CELF2: variants seen among roughly 807,000 people sequenced by gnomAD.
CELF2 encodes the protein CUG triplet repeat RNA-binding protein 2.
A neutral mutation model predicts 62.6 loss-of-function variants in CELF2; 8 were observed. That is an observed-to-expected ratio of 0.13 (90% CI 0.07 to 0.23). The LOEUF (loss-of-function observed/expected upper bound fraction) is 0.23. CELF2 is among the 10% of genes least tolerant of loss of function. The probability of loss-of-function intolerance (pLI) is 1.00; values close to 1 mark genes in which losing one functional copy is unlikely to be tolerated. For missense variants in CELF2, 333 were observed against 671.0 expected, an observed-to-expected ratio of 0.50 and a Z score of 5.56; for synonymous variants, 258 against 250.0, an observed-to-expected ratio of 1.03 and a Z score of -0.30.
chr10:11,106,064 T>G (rs1488612896), intron 1 of CELF2, among the ~76,000 whole-genome samples: 1 of 152,208 alleles, frequency 6.6e-6, no homozygotes, highest in East Asian at 1.9e-4. Context: ...ATGAAAAGTT[T>G]TTATGATTTT....
the CELF2 span, among the ~76,000 whole-genome samples, chr10:10,608,129 AAAACAAAC>A: frequency 4.7e-3 from 589 of 125,184 alleles, 3 homozygotes; most frequent in African/African-American, 0.013. Context: ...AACTCTGTTA[AAAACAAAC>A]AAACAAACAA....
intron 2 of CELF2, among the ~76,000 whole-genome samples, chr10:10,987,001 A>G (rs942979887): frequency 6.6e-6 from 1 of 152,220 alleles, no homozygotes; most frequent in Non-Finnish European, 1.5e-5. Context: ...TTTTATGGGA[A>G]GAAAAGTCAT....
At position 11,117,815 on chromosome 10, in the gene CELF2, G is replaced by C. The variant is rs796546545; in HGVS notation, c.75-47671G>C. On this transcript the variant is annotated intron_variant, in intron 1 of 12. Coordinates refer to ENST00000633077, the MANE Select transcript of CELF2 (RefSeq NM_001326342.2). This position sits in a 1 kb window ranked among gnomAD's most constrained non-coding sequence, Gnocchi z 4.1. ...CAAATAGGATTCATCTGAGCTTCTG[G>C]TTCTGATCTTGTAAAAGCTAACTCA... 8.5e-5 allele frequency among the ~76,000 whole-genome samples: 13 copies of C among 152,234 alleles called. No individual in the cohort carries two copies. The highest frequency in any genetic ancestry group is 3.1e-4 in the African/African-American group (13 of 41,534).
chr10:11,281,986 C>T (rs926267916), intron 8 of CELF2, among the ~76,000 whole-genome samples: 13 of 152,230 alleles, frequency 8.5e-5, no homozygotes, highest in East Asian at 7.7e-4. Context: ...GACTGGAATC[C>T]GCCCCAGCTC....
the CELF2 span, among the ~76,000 whole-genome samples, chr10:10,659,119 CTTTA>C: frequency 6.6e-6 from 1 of 152,144 alleles, no homozygotes; most frequent in African/African-American, 2.4e-5. Flanking sequence ...GTTCAAATTG[CTTTA>C]TTTAATACTA....
intron 2 of CELF2, among the ~76,000 whole-genome samples, chr10:11,167,187 T>G (rs768114946): frequency 1.3e-5 from 2 of 152,254 alleles, no homozygotes; most frequent in Non-Finnish European, 2.9e-5. Context: ...GTTACCTACA[T>G]GTTTTCCAAA....
chr10:10,976,430 A>G (rs1008837446), intron 2 of CELF2, among the ~76,000 whole-genome samples: 7 of 152,136 alleles, frequency 4.6e-5, no homozygotes, highest in Non-Finnish European at 1.0e-4. Context: ...ATCTGTGTAT[A>G]TCTTCATGAA....
At chr10:10,802,977 ACT>A (rs1235574745) in intron 1 of CELF2, among the ~76,000 whole-genome samples, 1 of 152,086 alleles carries the variant, frequency 6.6e-6, no homozygotes, top group Non-Finnish European at 1.5e-5. Flanking sequence ...CTAGCCAGGT[ACT>A]CAAACTGGAA....
At chr10:10,719,789 A>G in the CELF2 span, among the ~76,000 whole-genome samples, 19 of 152,194 alleles carry the variant, frequency 1.2e-4, no homozygotes, top group African/African-American at 4.3e-4. Flanking sequence ...ATAAGGCTCA[A>G]TAGAGGTAAA....
rs1027509764 is a variant in CELF2, at chr10:10,845,683, C to T, written c.53+46866C>T. On this transcript the variant is annotated intron_variant, in intron 1 of 13. Transcript: ENST00000636488. ...GAATATCACATGTATATATCACATGCATCTACAATTTTTATGTATCAGTTA... is the reference window on the plus strand; with the variant it reads ...GAATATCACATGTATATATCACATGTATCTACAATTTTTATGTATCAGTTA... Among the ~76,000 whole-genome samples the T allele has an allele frequency of 8.7e-4, 132 of 152,226 alleles. 1 individual carries two copies. Among genetic ancestry groups the T allele is most frequent in the African/African-American group, 3.1e-3 (130 of 41,548 alleles).
At position 10,997,399 on chromosome 10, in the gene CELF2, A is replaced by C. The variant is rs914572614; in HGVS notation, c.89+77400A>C. On this transcript the variant is annotated intron_variant, in intron 2 of 13. Coordinates refer to the CELF2 transcript ENST00000636488. The surrounding 1 kb of genome is among the most constrained non-coding windows in gnomAD (Gnocchi z 5.3). The stretch of plus-strand genomic sequence containing the variant: ...TCTGGGCTTCTCTTGCATTTCCATC[A>C]CATGATCATATGAATCACCATATTG... 6.6e-6 allele frequency among the ~76,000 whole-genome samples: 1 copy of C among 152,220 alleles called. No homozygotes were observed. The highest frequency in any genetic ancestry group is 2.4e-5 in the African/African-American group (1 of 41,462).
chr10:11,308,378 T>C (rs1243484511), intron 9 of CELF2, among the ~76,000 whole-genome samples: 3 of 152,236 alleles, frequency 2.0e-5, no homozygotes, highest in Admixed American at 6.5e-5. Context: ...TTACACACTT[T>C]ACATGTGTGT....
chr10:10,877,443 C>T (rs188740575), intron 1 of CELF2, among the ~76,000 whole-genome samples: 2 of 152,302 alleles, frequency 1.3e-5, no homozygotes, highest in African/African-American at 2.4e-5. Context: ...GCTTCCAGGT[C>T]GTAGGTAGAT....
intron 2 of CELF2, among the ~76,000 whole-genome samples, chr10:11,187,082 T>G (rs2075140861): frequency 6.6e-6 from 1 of 152,340 alleles, no homozygotes; most frequent in African/African-American, 2.4e-5. Context: ...CTGCAAATCT[T>G]CAGTATCTTT....
At chr10:11,062,883 A>G (rs561588293) in intron 1 of CELF2, among the ~76,000 whole-genome samples, 6 of 152,268 alleles carry the variant, frequency 3.9e-5, no homozygotes, top group African/African-American at 1.4e-4. Context: ...GAGTCAGTCA[A>G]AGCAGCAAAC....
At chr10:10,794,112 T>C (rs910571117), upstream of CELF2, among the ~76,000 whole-genome samples, 1 of 152,206 alleles carries the variant, frequency 6.6e-6, no homozygotes, top group African/African-American at 2.4e-5. Flanking sequence ...ACTATCATTG[T>C]TGCCACGCCG....
intron 1 of CELF2, among the ~76,000 whole-genome samples, chr10:11,088,479 G>C (rs2141825341): frequency 6.6e-6 from 1 of 152,298 alleles, no homozygotes; most frequent in African/African-American, 2.4e-5. Flanking sequence ...TTTATAGCAG[G>C]GCATGGCATG....
chr10:11,063,968 T>A (rs1247457004), intron 1 of CELF2, among the ~76,000 whole-genome samples: 2 of 152,192 alleles, frequency 1.3e-5, no homozygotes, highest in African/African-American at 4.8e-5. Flanking sequence ...GTGTGCTGTT[T>A]ATCGGTGGAG....
chr10:10,580,903 T>C, the CELF2 span, among the ~76,000 whole-genome samples: 9 of 152,210 alleles, frequency 5.9e-5, no homozygotes, highest in African/African-American at 2.2e-4. Context: ...TAGAATTACC[T>C]GAAAATATAG....
Sources: allele counts gnomAD v4.1 joint callset (sites outside exome capture counted in the v4.1 genomes callset), GRCh38; gene constraint gnomAD v4.1.1; non-coding constraint Gnocchi (gnomAD v3.1); transcripts MANE v1.5; gene names NCBI Gene and HGNC (gene_info 2026-07-23, HGNC 2026-07-21).